ANKS1B: variants seen among roughly 807,000 people sequenced by gnomAD.
The protein encoded by ANKS1B is ankyrin repeat and sterile alpha motif domain-containing protein 1B.
ANKS1B carries 36 observed loss-of-function variants against 148.3 expected under a neutral mutation model. The ratio of observed to expected loss-of-function variants is 0.24; its 90% confidence interval spans 0.19 to 0.32. ANKS1B has a LOEUF of 0.32. Among genes scored for constraint, ANKS1B ranks in the 10% least tolerant of loss-of-function variants. ANKS1B has a pLI of 1.00. For missense variants in ANKS1B, 1,157 were observed against 1,542.6 expected (o/e 0.75, Z 4.19); for synonymous variants, 542 against 560.8 (o/e 0.97, Z 0.47).
At chr12:99,787,778 G>A (rs1319117875) in intron 4 of ANKS1B, among the ~76,000 whole-genome samples, 1 of 152,248 alleles carries the variant, frequency 6.6e-6, no homozygotes, top group Non-Finnish European at 1.5e-5. Context: ...TTCCATGGCA[G>A]TGGCCATGCT....
intron 16 of ANKS1B, among the ~76,000 whole-genome samples, chr12:99,055,589 C>T (rs920536018): frequency 6.6e-6 from 1 of 152,096 alleles, no homozygotes; most frequent in Non-Finnish European, 1.5e-5. Flanking sequence ...GAACCCATGA[C>T]AGGACTGCAA....
chr12:99,402,470 C>T (rs1383954606), intron 11 of ANKS1B, among the ~76,000 whole-genome samples: 1 of 145,442 alleles, frequency 6.9e-6, no homozygotes, highest in Non-Finnish European at 1.5e-5. Context: ...TCCCTCCTCC[C>T]ACCCTCCACC....
chr12:99,961,706 A>G (rs1310002374), intron 1 of ANKS1B, among the ~76,000 whole-genome samples: 2 of 152,214 alleles, frequency 1.3e-5, no homozygotes, highest in Admixed American at 1.3e-4. Flanking sequence ...AGATGATGAT[A>G]ATACTATAGA....
At chr12:99,544,389 T>C (rs2097154217) in intron 9 of ANKS1B, among the ~76,000 whole-genome samples, 1 of 152,196 alleles carries the variant, frequency 6.6e-6, no homozygotes, top group African/African-American at 2.4e-5. Flanking sequence ...TGACAGTCCC[T>C]ACCCGGACTC....
intron 10 of ANKS1B, among the ~76,000 whole-genome samples, chr12:99,459,335 C>A (rs575894628): frequency 1.3e-5 from 2 of 152,112 alleles, no homozygotes; most frequent in African/African-American, 4.8e-5. Context: ...AGCATTCCCC[C>A]TGAGAACTGG....
chr12:99,557,176 C>T (rs1429087935), intron 9 of ANKS1B, among the ~76,000 whole-genome samples: 2 of 152,170 alleles, frequency 1.3e-5, no homozygotes, highest in Non-Finnish European at 2.9e-5. Context: ...TAGTATCTCA[C>T]AGGGTTTCTC....
chr12:99,393,127 T>TAGATAGATAGATAGAC (rs1555414121), intron 12 of ANKS1B, among the ~76,000 whole-genome samples: 6 of 151,708 alleles, frequency 4.0e-5, no homozygotes, highest in East Asian at 1.9e-4. Context: ...GATAGATAGA[T>TAGATAGATAGATAGAC]AGACAGATAG....
At chr12:99,352,673 G>A (rs2091559464) in intron 12 of ANKS1B, among the ~76,000 whole-genome samples, 1 of 151,912 alleles carries the variant, frequency 6.6e-6, no homozygotes, top group Non-Finnish European at 1.5e-5. Flanking sequence ...TCAGGCAAAA[G>A]ACCCATCTGA....
At chr12:99,131,475 T>C (rs923000632) in intron 15 of ANKS1B, among the ~76,000 whole-genome samples, 1 of 152,200 alleles carries the variant, frequency 6.6e-6, no homozygotes, top group Non-Finnish European at 1.5e-5. Context: ...ATAGTAAGTG[T>C]CTGGGAGGCA....
intron 9 of ANKS1B, among the ~76,000 whole-genome samples, chr12:99,547,942 G>T (rs952845803): frequency 2.6e-5 from 4 of 152,036 alleles, no homozygotes; most frequent in Admixed American, 2.0e-4. Flanking sequence ...TTGTTTTTGA[G>T]GAATAAATGT....
Position 98,819,244 on chromosome 12 carries a change from C to T in ANKS1B, c.3066+9930G>A, listed in dbSNP as rs114213089. Among the ~76,000 whole-genome samples, 1,289 of 152,238 alleles carry T rather than the reference C, an allele frequency of 8.5e-3. 22 individuals are homozygous for T. The highest frequency in any genetic ancestry group is 0.029 in the African/African-American group (1,213 of 41,538). On this transcript the variant is annotated intron_variant, in intron 19 of 26. Transcript: ENST00000683438. ...AATCCAGCGCTGCTGAGAAAGGAGGCGTAGCTATTGATAAAGGCTGGGAAA... is the reference window on the plus strand; with the variant it reads ...AATCCAGCGCTGCTGAGAAAGGAGGTGTAGCTATTGATAAAGGCTGGGAAA...
intron 15 of ANKS1B, chr12:99,105,149 G>T (rs565560031): frequency 2.6e-5 from 4 of 152,282 alleles, no homozygotes; most frequent in African/African-American, 9.6e-5. Context: ...TGTTCTTTAT[G>T]CTATTAAATT....
chr12:99,567,935 G>GC (rs2153219953), intron 9 of ANKS1B, among the ~76,000 whole-genome samples: 1 of 152,256 alleles, frequency 6.6e-6, no homozygotes, highest in South Asian at 2.1e-4. Context: ...CAGCTCCCCT[G>GC]CCCCCAGCAC....
intron 17 of ANKS1B, among the ~76,000 whole-genome samples, chr12:98,879,295 T>C (rs576341768): frequency 6.6e-6 from 1 of 152,304 alleles, no homozygotes; most frequent in South Asian, 2.1e-4. Flanking sequence ...ATATTTAGTC[T>C]TCAGAATAAC....
At chr12:99,310,131 G>A (rs937964951) in intron 12 of ANKS1B, among the ~76,000 whole-genome samples, 3 of 151,940 alleles carry the variant, frequency 2.0e-5, no homozygotes, top group African/African-American at 4.8e-5. Flanking sequence ...CAAAATATTC[G>A]GATAAGCATA....
chr12:99,486,675 G>T (rs2096494014), intron 10 of ANKS1B, among the ~76,000 whole-genome samples: 1 of 152,066 alleles, frequency 6.6e-6, no homozygotes, highest in African/African-American at 2.4e-5. Flanking sequence ...TTGCACTAAG[G>T]TCTTATCAAG....
chr12:99,445,331 A>T (rs1280005435), intron 10 of ANKS1B, among the ~76,000 whole-genome samples: 1 of 152,048 alleles, frequency 6.6e-6, no homozygotes, highest in African/African-American at 2.4e-5. Context: ...AACTAGGAAG[A>T]ATCTCTGGCC....
At chr12:99,780,121 ACACACACATGCG>A (rs1180128745) in intron 5 of ANKS1B, 149 bp from the exon 6 acceptor site, 1 of 620,358 alleles carries the variant, frequency 1.6e-6, no homozygotes, top group African/African-American at 1.9e-5. Context: ...ACACACATAC[ACACACACATGCG>A]CACACACACA....
chr12:99,565,968 A>C (rs2153215948), intron 9 of ANKS1B, among the ~76,000 whole-genome samples: 2 of 152,272 alleles, frequency 1.3e-5, no homozygotes, highest in East Asian at 3.9e-4. Flanking sequence ...GTGTGAAAAA[A>C]TCAGTGAGGC....
Sources: allele counts gnomAD v4.1 joint callset (sites outside exome capture counted in the v4.1 genomes callset), GRCh38; gene constraint gnomAD v4.1.1; transcripts MANE v1.5; gene names NCBI Gene and HGNC (gene_info 2026-07-23, HGNC 2026-07-21).